Variants in HNRNPU observed in about 807,000 individuals in gnomAD.
The protein encoded by HNRNPU is HNRNPU antisense RNA 1.
Under a neutral mutation model 94.7 loss-of-function variants are expected in HNRNPU, and 5 were observed. The ratio of observed to expected loss-of-function variants is 0.05; its 90% CI spans 0.03 to 0.11. HNRNPU has a LOEUF of 0.11. Among genes scored for constraint, HNRNPU ranks in the 10% least tolerant of loss-of-function variants. HNRNPU has a pLI of 1.00. For synonymous variants in HNRNPU, 434 were observed against 381.6 expected (o/e 1.14, Z -1.60); for missense variants, 710 against 1,049.2 (o/e 0.68, Z 4.47).
chr1:244,856,179 T>G (rs770293018), intron 10 of HNRNPU, 21 bp from the exon 11 acceptor site: 4 of 1,584,794 alleles, frequency 2.5e-6, no homozygotes, highest in Non-Finnish European at 3.4e-6. Flanking sequence ...CAAAGTCATA[T>G]TATTAATTTA....
In HNRNPU at chr1:244,853,213, C is replaced by G. The variant is rs927900697; in HGVS notation, c.*1237G>C. ...GGGGGAGGGGAAGGGAAGAATTCAA[C>G]TTTACTTCATAATTATGTATCAATT... On this transcript the variant is annotated 3_prime_UTR_variant, in exon 14 of 14. Coordinates refer to ENST00000640218, the MANE Select transcript of HNRNPU (RefSeq NM_031844.3). 4 of 152,472 alleles carry G rather than the reference C, an allele frequency of 2.6e-5. No homozygotes were observed. The highest frequency in any genetic ancestry group is 4.4e-5 in the Non-Finnish European group (3 of 67,970). The allele number at this position is 152,472 out of a possible 1,614,324, so 9.4% of individuals were successfully genotyped here. A position where few individuals can be genotyped will look rare whatever the true frequency, so the allele number is the denominator to read the frequency against.
At position 244,864,365 on chromosome 1, in the gene HNRNPU, C is replaced by G; in HGVS notation, c.-58G>C. 1 of 1,592,164 alleles carries G rather than the reference C, an allele frequency of 6.3e-7. No individual in the cohort carries two copies. The highest frequency in any genetic ancestry group is 1.1e-5 in the South Asian group (1 of 88,018). On this transcript the variant is annotated 5_prime_UTR_variant, in exon 1 of 14. Coordinates refer to ENST00000640218, the MANE Select transcript of HNRNPU (RefSeq NM_031844.3). The stretch of plus-strand genomic sequence containing the variant: ...CTCAAACTCGGCTCCGCTCACTCGG[C>G]CACTGGTGGCGGCTGCTGCGGCTGC...
rs1318438466 is a variant in HNRNPU, at chr1:244,851,963, TTTAA to T, written c.*2483_*2486del. 6.6e-6 allele frequency: 1 copy of T among 152,226 alleles called. No homozygotes were observed. The highest frequency in any genetic ancestry group is 6.5e-5 in the Admixed American group (1 of 15,278). 9.4% of individuals were successfully genotyped at this position (152,226 alleles called of 1,614,324 possible). A position where few individuals can be genotyped will look rare whatever the true frequency, so the allele number is the denominator to read the frequency against. ...TTACACTCAGCATGTGTTATTCTAC[TTTAA>T]AATATAACCTTAGTGAAAGCACCCT... is the stretch of plus-strand genomic sequence containing the variant. On this transcript the variant is annotated 3_prime_UTR_variant, in exon 14 of 14. Transcript: ENST00000640218.
chr1:244,862,578 A>C, intron 2 of HNRNPU, 41 bp downstream of exon 2: 1 of 1,608,764 alleles, frequency 6.2e-7, no homozygotes, highest in Non-Finnish European at 8.5e-7. Context: ...CCGATCAACG[A>C]ACGAATAAGG....
rs370427995 is a variant in HNRNPU, at chr1:244,858,100, T to C, written c.1405A>G (p.Ile469Val). The change falls in exon 7 of 14, where the codon ATA becomes GTA. Residue 469 changes from isoleucine to valine, a missense_variant. Ile to Val is a conservative substitution (Grantham distance 29). Around this residue, in one of 8 missense-constraint regions of HNRNPU, gnomAD observed 150 missense variants for 187.9 expected, o/e 0.80. Transcript: ENST00000640218. Reference sequence around the variant, plus strand: ...TGGATGAAAGTATACTCTTCAGGTATTGGAAAATATGGCTTTTCCTTCTGA... The same window carrying C: ...TGGATGAAAGTATACTCTTCAGGTACTGGAAAATATGGCTTTTCCTTCTGA... ...FGQKEKPYFP[I>V]PEEYTFIQNV... 4.3e-6 allele frequency: 7 copies of C among 1,613,980 alleles called. No homozygotes were observed. The African/African-American group carries it at 5.3e-5, about 12-fold the overall frequency.
chr1:244,857,485 G>T, intron 8 of HNRNPU, 113 bp downstream of exon 8: 1 of 1,084,290 alleles, frequency 9.2e-7, no homozygotes, highest in South Asian at 1.6e-5. Flanking sequence ...GACCTCAGGT[G>T]ATCCATCCAC....
chr1:244,863,061 C>G (rs1254829148), intron 1 of HNRNPU: 2 of 296,476 alleles, frequency 6.7e-6, no homozygotes, highest in African/African-American at 4.5e-5. Context: ...TCCCCTCCCC[C>G]GCGGGCCCGC....
chr1:244,852,006 A>C lies in HNRNPU; in HGVS notation c.*2444T>G, dbSNP rs189087870. On this transcript the variant is annotated 3_prime_UTR_variant, in exon 14 of 14. Coordinates refer to ENST00000640218, the MANE Select transcript of HNRNPU (RefSeq NM_031844.3). Reference sequence around the variant, plus strand: ...TGAAAGCACCCTTCAAATCAACAGCAATCTCACAGTGAGTTTCCTCTGGGT... The same window carrying C: ...TGAAAGCACCCTTCAAATCAACAGCCATCTCACAGTGAGTTTCCTCTGGGT... 7.2e-5 allele frequency: 11 copies of C among 152,326 alleles called. No homozygotes were observed. In the East Asian group the frequency reaches 2.1e-3, roughly 29 times the overall value. The allele number at this position is 152,326 out of a possible 1,614,324, so 9.4% of individuals were successfully genotyped here.
intron 11 of HNRNPU, 86 bp from the exon 12 acceptor site, chr1:244,855,694 T>G (rs1439222403): frequency 5.6e-6 from 8 of 1,434,492 alleles, no homozygotes; most frequent in Non-Finnish European, 7.6e-6. Context: ...TTGTTCCTTT[T>G]TCTCCAAAAA....
In HNRNPU at chr1:244,862,371, G is replaced by A; in HGVS notation, c.877+90C>T. On this transcript the variant is annotated intron_variant, in intron 3 of 13. Transcript: ENST00000640218. ...TTTTAAAAAAACTAACCCAAGTTTT[G>A]CTGCACTTAAGCATTAAGACTTCTA... 3 of 855,724 alleles carry A rather than the reference G, an allele frequency of 3.5e-6. No individual in the cohort carries two copies. In the Admixed American group the frequency reaches 7.5e-5, roughly 21 times the overall value. 53.0% of individuals were successfully genotyped at this position (855,724 alleles called of 1,614,324 possible). A position where few individuals can be genotyped will look rare whatever the true frequency, so the allele number is the denominator to read the frequency against.
At chr1:244,858,380 T>C (rs1680735474) in intron 6 of HNRNPU, 106 bp from the exon 7 acceptor site, 5 of 1,064,284 alleles carry the variant, frequency 4.7e-6, no homozygotes, top group Non-Finnish European at 6.7e-6. Context: ...AAGCTACAGG[T>C]TAAAGAACTA....
At chr1:244,857,475 GACCTCAGGTGATCCATCC>G in intron 8 of HNRNPU, 105 bp downstream of exon 8, 1 of 1,001,350 alleles carries the variant, frequency 1.0e-6, no homozygotes, top group Non-Finnish European at 1.5e-6. Flanking sequence ...TCAAACTCCT[GACCTCAGGTGATCCATCC>G]ACCTCAGCCT....
chr1:244,854,416 G>A lies in HNRNPU; in HGVS notation c.*34C>T. 1 of 1,396,082 alleles carries A rather than the reference G, an allele frequency of 7.2e-7. No individual in the cohort carries two copies. The highest frequency in any genetic ancestry group is 1.0e-6 in the Non-Finnish European group (1 of 984,358). 86.5% of individuals were successfully genotyped at this position (1,396,082 alleles called of 1,614,324 possible). Reference sequence around the variant, plus strand: ...CAGTCGACTTCTTGTGAAGGTTTTGGAGAAATATGTATCAGTTCGTTTTAT... The same window carrying A: ...CAGTCGACTTCTTGTGAAGGTTTTGAAGAAATATGTATCAGTTCGTTTTAT... On this transcript the variant is annotated 3_prime_UTR_variant, in exon 14 of 14. Coordinates refer to ENST00000640218, the MANE Select transcript of HNRNPU (RefSeq NM_031844.3).
rs1252224735 is a variant in HNRNPU at position 244,855,512 on chromosome 1, C to T, written c.2264G>A (p.Arg755His). 3 of 1,613,990 alleles carry T rather than the reference C, an allele frequency of 1.9e-6. No individual in the cohort carries two copies. The highest frequency in any genetic ancestry group is 2.5e-6 in the Non-Finnish European group (3 of 1,179,948). The change falls in exon 12 of 14, where the codon CGT becomes CAT. Residue 755 changes from arginine (R) to histidine (H), a missense_variant. Physicochemically the swap from Arg to His is conservative, Grantham distance 29. Coordinates refer to ENST00000640218, the MANE Select transcript of HNRNPU (RefSeq NM_031844.3). ...ACCACGGCCAGGAAAAACAGGGGCA[C>T]GAGGGTATGGATAGCCGATTCCACC... Reference protein sequence around the residue: ...GSGGIGYPYPRAPVFPGRGSY... With the variant: ...GSGGIGYPYPHAPVFPGRGSY...
intron 7 of HNRNPU, 42 bp from the exon 8 acceptor site, chr1:244,857,759 A>C (rs745710984): frequency 4.2e-5 from 67 of 1,595,518 alleles, no homozygotes; most frequent in Non-Finnish European, 5.3e-5. Context: ...GTCAGTAGAC[A>C]CCACCTAATA....
In HNRNPU at chr1:244,850,527, T is replaced by C. The variant is rs1680515431; in HGVS notation, c.*3923A>G. The C allele has an allele frequency of 7.3e-6, 1 of 137,792 alleles. No homozygotes were observed. Among genetic ancestry groups the C allele is most frequent in the Non-Finnish European group, 1.5e-5 (1 of 65,720 alleles). The allele number at this position is 137,792 out of a possible 1,614,324, so 8.5% of individuals were successfully genotyped here. On this transcript the variant is annotated 3_prime_UTR_variant, in exon 14 of 14. Coordinates refer to ENST00000640218, the MANE Select transcript of HNRNPU (RefSeq NM_031844.3). ...AAGGCACTGCAGCGTTAACTAAGTT[T>C]TAGGGTAAATTTAGGCAATTAACAA...
rs777554512 is a variant in HNRNPU, at chr1:244,864,137, G to A, written c.171C>T (p.Asn57=). ...AGGRPAMEPG[N]GSLDLGGDSA... is the part of the protein sequence containing the mutation. The stretch of plus-strand genomic sequence containing the variant: ...AATCCCCGCCCAGGTCTAGGCTGCC[G>A]TTCCCGGGCTCCATGGCGGGGCGGC... Residue 57 remains asparagine (N), a synonymous_variant, in exon 1 of 14, where the codon AAC becomes AAT. Transcript: ENST00000640218. 3.7e-6 allele frequency: 6 copies of A among 1,602,004 alleles called. No homozygotes were observed. The highest frequency in any genetic ancestry group is 5.1e-6 in the Non-Finnish European group (6 of 1,174,532).
Position 244,864,104 on chromosome 1 carries a change from C to T in HNRNPU, c.204G>A (p.Gly68=). ...CCTGCTCGAGGCCTGCTCCCGAGCG[C>T]CCAGCGGAATCCCCGCCCAGGTCTA... is the stretch of plus-strand genomic sequence containing the variant. ...GSLDLGGDSA[G]RSGAGLEQEA... Residue 68 remains glycine, a synonymous_variant, in exon 1 of 14, where the codon GGG becomes GGA. Coordinates refer to ENST00000640218, the MANE Select transcript of HNRNPU (RefSeq NM_031844.3). 1 of 1,596,528 alleles carries T rather than the reference C, an allele frequency of 6.3e-7. No individual in the cohort carries two copies. Among genetic ancestry groups the T allele is most frequent in the Non-Finnish European group, 8.5e-7 (1 of 1,171,676 alleles).
At position 244,863,628 on chromosome 1, in the gene HNRNPU, GC is replaced by G; in HGVS notation, c.679del (p.Ala227LeufsTer112). ...EGGGGGGRPG[A>X]PAAGDGKTEQ... ...AACGCAGCACTCACCCGCCGCCGGA[GC>G]CCCGGGGCGACCGCCGCCTCCGCCG... is the stretch of plus-strand genomic sequence containing the variant. On this transcript the variant is annotated frameshift_variant, in exon 1 of 14. Transcript: ENST00000640218. LOFTEE classifies it high-confidence loss of function. The G allele has an allele frequency of 6.5e-7, 1 of 1,536,914 alleles. No homozygotes were observed.
Sources: gnomAD v4.1 joint callset for allele counts on GRCh38, gnomAD v4.1.1 for gene constraint, gnomAD v4.1.1 regional missense constraint, MANE v1.5 for transcripts, NCBI Gene and HGNC (gene_info 2026-07-23, HGNC 2026-07-21) for gene names.